Variants in SMYD1 observed in about 807,000 individuals in gnomAD.
SMYD1 encodes the protein histone-lysine N-methyltransferase SMYD1.
Under a neutral mutation model 54.0 loss-of-function variants are expected in SMYD1, and 49 were observed. The ratio of observed to expected loss-of-function variants is 0.91; its 90% CI spans 0.72 to 1.15. SMYD1 has a LOEUF of 1.15. SMYD1 is among the 50% of genes most tolerant of loss of function. SMYD1 has a pLI of 0.00. For missense variants in SMYD1, 653 were observed against 639.6 expected (o/e 1.02, Z -0.23); for synonymous variants, 269 against 234.2 (o/e 1.15, Z -1.36).
rs758613087 is a variant in SMYD1, at chr2:88,103,169, T to C, written c.981+19T>C. 3.1e-6 allele frequency: 5 copies of C among 1,604,784 alleles called. No individual in the cohort carries two copies. The South Asian group carries it at 3.3e-5, about 11-fold the overall frequency. On this transcript the variant is annotated intron_variant, in intron 7 of 9. Transcript: ENST00000419482. ...TCATGAGGTAAGAATTCACTTGTTA[T>C]AGAGGATGGGGGTAGAAAGGAGGGT...
chr2:88,097,349 G>A (rs1344142222), intron 6 of SMYD1, among the ~76,000 whole-genome samples: 1 of 152,164 alleles, frequency 6.6e-6, no homozygotes, highest in East Asian at 1.9e-4. Flanking sequence ...GGCTTGCTGA[G>A]GGGAGGTCAG....
chr2:88,094,937 A>G (rs1250654088), intron 5 of SMYD1, among the ~76,000 whole-genome samples: 2 of 152,212 alleles, frequency 1.3e-5, no homozygotes, highest in Non-Finnish European at 2.9e-5. Context: ...AGTCCTAAAA[A>G]TCAAGGGCTT....
At chr2:88,075,472 G>A (rs1159050108) in intron 1 of SMYD1, among the ~76,000 whole-genome samples, 2 of 151,912 alleles carry the variant, frequency 1.3e-5, no homozygotes, top group African/African-American at 4.8e-5. Flanking sequence ...AATAAAAAAA[G>A]GGATGTTAAA....
Position 88,110,453 on chromosome 2 carries a change from C to G in SMYD1, c.1414C>G (p.Gln472Glu), listed in dbSNP as rs1157623383. ...REAALNNQPMQVMAEPSNEPS... is the reference protein window; with the variant it reads ...REAALNNQPMEVMAEPSNEPS... ...GGCTGCCCTGAACAACCAGCCCATG[C>G]AGGTCATGGCCGAGCCCAGCAATGA... Residue 472 changes from glutamine to glutamate, a missense_variant, in exon 10 of 10, where the codon CAG (glutamine) becomes GAG (glutamate). Transcript: ENST00000419482. 2 of 1,606,024 alleles carry G rather than the reference C, an allele frequency of 1.2e-6. No individual in the cohort carries two copies. The highest frequency in any genetic ancestry group is 1.7e-6 in the Non-Finnish European group (2 of 1,176,094).
chr2:88,075,946 G>A (rs1349781764), intron 1 of SMYD1, among the ~76,000 whole-genome samples: 1 of 152,000 alleles, frequency 6.6e-6, no homozygotes, highest in African/African-American at 2.4e-5. Flanking sequence ...CCCCCACACC[G>A]ACACATTTGC....
chr2:88,070,441 TCAAA>T (rs1673920107), intron 1 of SMYD1, among the ~76,000 whole-genome samples: 1 of 152,188 alleles, frequency 6.6e-6, no homozygotes, highest in East Asian at 1.9e-4. Flanking sequence ...ATTAATTCTT[TCAAA>T]CAGTGTGTAT....
chr2:88,110,200 A>AGAGAGTGTGT (rs139694354), intron 9 of SMYD1, among the ~76,000 whole-genome samples, 154 bp from the exon 10 acceptor site: 38 of 139,088 alleles, frequency 2.7e-4, no homozygotes, highest in African/African-American at 9.5e-4. Flanking sequence ...TTGATGAATG[A>AGAGAGTGTGT]GTGTGTGTGT....
chr2:88,088,342 C>G (rs1159746045), intron 3 of SMYD1, among the ~76,000 whole-genome samples: 1 of 152,192 alleles, frequency 6.6e-6, no homozygotes, highest in Non-Finnish European at 1.5e-5. Context: ...CCAAATGACC[C>G]AACTAATAAA....
chr2:88,110,402 G>T lies in SMYD1; in HGVS notation c.1363G>T (p.Glu455Ter), dbSNP rs770519021. The change falls in exon 10 of 10, where the codon GAA becomes TAA. Residue 455 changes from glutamate to a stop codon, truncating the protein, a stop_gained. Transcript: ENST00000419482. LOFTEE classifies it high-confidence loss of function. ...EMELRMFRQN[E>*]FMYYKMREAA... ...GGAGCTACGCATGTTCCGCCAGAAC[G>T]AATTCATGTACTACAAGATGCGCGA... 1 of 1,612,618 alleles carries T rather than the reference G, an allele frequency of 6.2e-7. No homozygotes were observed. The highest frequency in any genetic ancestry group is 1.3e-5 in the African/African-American group (1 of 74,886).
At position 88,103,146 on chromosome 2, in the gene SMYD1, A is replaced by G. The variant is rs1318113699; in HGVS notation, c.977A>G (p.His326Arg). 3.1e-6 allele frequency: 5 copies of G among 1,602,592 alleles called. No individual in the cohort carries two copies. The East Asian group carries it at 1.1e-4, about 36-fold the overall frequency. ...AAGGCTCGTTCCGAGGGTTTGTATC[A>G]TGAGGTAAGAATTCACTTGTTATAG... ...IDKARSEGLY[H>R]EVVKLCRECL... is the part of the protein sequence containing the mutation. The change falls in exon 7 of 10, where the codon CAT (histidine) becomes CGT (arginine). Residue 326 changes from histidine to arginine, a missense_variant. Physicochemically the swap from His to Arg is conservative, Grantham distance 29. Coordinates refer to ENST00000419482, the MANE Select transcript of SMYD1 (RefSeq NM_198274.4).
At chr2:88,088,098 C>T in intron 3 of SMYD1, 23 bp downstream of exon 3, 1 of 1,590,004 alleles carries the variant, frequency 6.3e-7, no homozygotes, top group South Asian at 1.1e-5. Flanking sequence ...CGTCCCTTCT[C>T]CATCCTCCCT....
At chr2:88,081,687 C>T (rs551128339) in intron 1 of SMYD1, among the ~76,000 whole-genome samples, 35 of 151,924 alleles carry the variant, frequency 2.3e-4, no homozygotes, top group South Asian at 2.1e-4. Context: ...CTGCGCACCT[C>T]GGCTTCCCAC....
Position 88,098,426 on chromosome 2 carries a change from T to C in SMYD1, c.888+1642T>C, listed in dbSNP as rs529751565. Among the ~76,000 whole-genome samples the C allele has an allele frequency of 5.3e-5, 8 of 152,300 alleles. 1 individual carries two copies. The South Asian group carries it at 1.7e-3, about 32-fold the overall frequency. ...TCCAGTATGAATTGCAGAGTTGGCATTTCTCTTGATATAAAAGATTGATGA... is the reference window on the plus strand; with the variant it reads ...TCCAGTATGAATTGCAGAGTTGGCACTTCTCTTGATATAAAAGATTGATGA... On this transcript the variant is annotated intron_variant, in intron 6 of 9. Coordinates refer to ENST00000419482, the MANE Select transcript of SMYD1 (RefSeq NM_198274.4).
intron 1 of SMYD1, among the ~76,000 whole-genome samples, chr2:88,071,411 C>A (rs187500952): frequency 6.6e-6 from 1 of 152,242 alleles, no homozygotes; most frequent in East Asian, 1.9e-4. Context: ...AAATTATGGT[C>A]CTTAGTCTGG....
chr2:88,076,222 T>G (rs1674058590), intron 1 of SMYD1, among the ~76,000 whole-genome samples: 1 of 152,114 alleles, frequency 6.6e-6, no homozygotes, highest in African/African-American at 2.4e-5. Flanking sequence ...TCCTTTATCT[T>G]TTTTGTTTTT....
chr2:88,103,257 C>G lies in SMYD1; in HGVS notation c.981+107C>G, dbSNP rs1344096905. The G allele has an allele frequency of 1.3e-5, 10 of 781,150 alleles. 1 individual carries two copies. The African/African-American group carries it at 1.7e-4, about 13-fold the overall frequency. 48.4% of individuals were successfully genotyped at this position (781,150 alleles called of 1,614,324 possible). ...AACGGGCGGCGGGGGAGGGGGGCTA[C>G]CAAGCAGGTTATTTTTCTAGAAGAT... is the stretch of plus-strand genomic sequence containing the variant. On this transcript the variant is annotated intron_variant, in intron 7 of 9. Coordinates refer to ENST00000419482, the MANE Select transcript of SMYD1 (RefSeq NM_198274.4).
At chr2:88,084,164 C>T (rs1674264238) in intron 1 of SMYD1, 152 bp from the exon 2 acceptor site, 3 of 591,946 alleles carry the variant, frequency 5.1e-6, no homozygotes, top group Admixed American at 6.5e-5. Flanking sequence ...CCTTTGGAGG[C>T]TCAAACTCCT....
intron 7 of SMYD1, among the ~76,000 whole-genome samples, chr2:88,103,818 ACT>A (rs1158768997): frequency 1.3e-5 from 2 of 151,992 alleles, no homozygotes; most frequent in Admixed American, 6.6e-5. Flanking sequence ...CCATTCTCAT[ACT>A]CTAAGATGTG....
chr2:88,097,923 A>C (rs1674631084), intron 6 of SMYD1, among the ~76,000 whole-genome samples: 1 of 152,182 alleles, frequency 6.6e-6, no homozygotes, highest in African/African-American at 2.4e-5. Flanking sequence ...CACCCCTCCC[A>C]GGCAGAGACA....
Sources: gnomAD v4.1 joint callset for allele counts (sites outside exome capture counted in the v4.1 genomes callset) on GRCh38, gnomAD v4.1.1 for gene constraint, MANE v1.5 for transcripts, NCBI Gene and HGNC (gene_info 2026-07-23, HGNC 2026-07-21) for gene names.